KIF6: variants seen among roughly 807,000 people sequenced by gnomAD.
KIF6 encodes kinesin-like protein KIF6.
In KIF6, 106 loss-of-function variants were observed where a neutral mutation model predicts 112.7. The ratio of observed to expected loss-of-function variants is 0.94; its 90% CI spans 0.80 to 1.11. KIF6 has a LOEUF of 1.11. Among genes scored for constraint, KIF6 ranks in the 50% least tolerant of loss-of-function variants. The pLI is 0.00. For synonymous variants in KIF6, 339 were observed against 339.9 expected, an observed-to-expected ratio of 1.00 and a Z score of 0.03; for missense variants, 929 against 964.0, an observed-to-expected ratio of 0.96 and a Z score of 0.48.
chr6:39,700,245 C>T (rs759222734), intron 3 of KIF6, among the ~76,000 whole-genome samples: 15 of 152,166 alleles, frequency 9.9e-5, no homozygotes, highest in Non-Finnish European at 2.1e-4. Flanking sequence ...AGGTCTTATT[C>T]ATTCTTTCTA....
At chr6:39,635,385 A>G (rs766060442) in intron 4 of KIF6, among the ~76,000 whole-genome samples, 13 of 152,114 alleles carry the variant, frequency 8.5e-5, no homozygotes, top group African/African-American at 1.2e-4. Flanking sequence ...TTTAGGAGCA[A>G]AATAGTTTCC....
chr6:39,669,610 G>A (rs191832480), intron 3 of KIF6, among the ~76,000 whole-genome samples: 4 of 152,224 alleles, frequency 2.6e-5, no homozygotes, highest in African/African-American at 9.6e-5. Context: ...AAACTCTCAG[G>A]TTTTTTCTGT....
At chr6:39,395,641 C>T (rs1183650522) in intron 15 of KIF6, among the ~76,000 whole-genome samples, 2 of 152,126 alleles carry the variant, frequency 1.3e-5, no homozygotes, top group African/African-American at 2.4e-5. Flanking sequence ...TAGCCACTGC[C>T]TCTGATTTCC....
intron 19 of KIF6, among the ~76,000 whole-genome samples, chr6:39,350,593 G>A (rs1399060798): frequency 6.6e-6 from 1 of 152,134 alleles, no homozygotes; most frequent in Non-Finnish European, 1.5e-5. Context: ...TGTCTCCCTT[G>A]GGAACGTGGG....
At chr6:39,592,529 T>C (rs1257523346) in intron 7 of KIF6, among the ~76,000 whole-genome samples, 1 of 152,228 alleles carries the variant, frequency 6.6e-6, no homozygotes, top group Non-Finnish European at 1.5e-5. Context: ...CTGATTTCCA[T>C]AGCAGTACAG....
intron 3 of KIF6, among the ~76,000 whole-genome samples, chr6:39,677,531 AT>A (rs1787225461): frequency 1.4e-5 from 2 of 142,626 alleles, no homozygotes; most frequent in African/African-American, 5.0e-5. Flanking sequence ...TTATTTATTT[AT>A]TTATTTATTT....
intron 6 of KIF6, among the ~76,000 whole-genome samples, chr6:39,610,607 A>G (rs1783164933): frequency 6.6e-6 from 1 of 152,224 alleles, no homozygotes; most frequent in African/African-American, 2.4e-5. Flanking sequence ...TTTTTAGAAG[A>G]CTGTGAATAA....
chr6:39,543,694 C>T (rs1046785846), intron 12 of KIF6, among the ~76,000 whole-genome samples: 5 of 152,112 alleles, frequency 3.3e-5, no homozygotes, highest in Non-Finnish European at 5.9e-5. Context: ...ATTCTGCAAA[C>T]GTAATGAAAA....
chr6:39,662,325 C>G (rs995091096), intron 3 of KIF6, among the ~76,000 whole-genome samples: 2 of 152,088 alleles, frequency 1.3e-5, no homozygotes, highest in African/African-American at 4.8e-5. Flanking sequence ...GTCTGCCCCA[C>G]AAGGCATTTG....
intron 3 of KIF6, among the ~76,000 whole-genome samples, chr6:39,672,803 A>T (rs1437502528): frequency 6.6e-6 from 1 of 152,082 alleles, no homozygotes; most frequent in Non-Finnish European, 1.5e-5. Context: ...ACCTCATTTA[A>T]CCTTAATTAC....
chr6:39,599,373 T>C (rs1218044871), intron 6 of KIF6, among the ~76,000 whole-genome samples: 1 of 152,188 alleles, frequency 6.6e-6, no homozygotes, highest in Non-Finnish European at 1.5e-5. Flanking sequence ...AACCAGAAAT[T>C]CTTTCTGTAA....
intron 6 of KIF6, among the ~76,000 whole-genome samples, chr6:39,600,894 A>G (rs1023456341): frequency 6.6e-6 from 1 of 152,174 alleles, no homozygotes; most frequent in African/African-American, 2.4e-5. Context: ...GCAAATTTAC[A>G]TGAAGTAATT....
intron 4 of KIF6, 87 bp from the exon 5 acceptor site, chr6:39,635,045 C>T (rs1471327534): frequency 1.1e-5 from 8 of 722,496 alleles, no homozygotes; most frequent in East Asian, 5.2e-5. Flanking sequence ...ACTCAGTTTC[C>T]TCATAGTTTC....
At chr6:39,502,468 T>C (rs1776189186) in intron 13 of KIF6, among the ~76,000 whole-genome samples, 1 of 152,182 alleles carries the variant, frequency 6.6e-6, no homozygotes, top group South Asian at 2.1e-4. Flanking sequence ...AGCATCATGA[T>C]GACAGGATCA....
At chr6:39,392,349 C>T (rs1278716805) in intron 15 of KIF6, among the ~76,000 whole-genome samples, 2 of 152,130 alleles carry the variant, frequency 1.3e-5, no homozygotes, top group African/African-American at 4.8e-5. Context: ...GATGACCATC[C>T]CTAAACATGT....
intron 3 of KIF6, among the ~76,000 whole-genome samples, chr6:39,682,008 C>A (rs1453680436): frequency 1.3e-5 from 2 of 152,096 alleles, no homozygotes; most frequent in African/African-American, 4.8e-5. Flanking sequence ...TCAACTTACT[C>A]ATTCCACAGA....
In KIF6 at chr6:39,584,816, C is replaced by G; in HGVS notation, c.1077+82G>C. On this transcript the variant is annotated intron_variant, in intron 9 of 22. Coordinates refer to ENST00000287152, the MANE Select transcript of KIF6 (RefSeq NM_145027.6). ...TCCACTACTTAGAACATTCCCAGTA[C>G]AGAGCAAGTGCACCTACAAGTTTTA... 3.7e-6 allele frequency: 3 copies of G among 817,662 alleles called. No individual in the cohort carries two copies. In the South Asian group the frequency reaches 4.4e-5, roughly 12 times the overall value. 50.7% of individuals were successfully genotyped at this position (817,662 alleles called of 1,614,324 possible). A position where few individuals can be genotyped will look rare whatever the true frequency, so the allele number is the denominator to read the frequency against.
Position 39,719,234 on chromosome 6 carries a change from G to A in KIF6, c.176+1468C>T, listed in dbSNP as rs534126017. On this transcript the variant is annotated intron_variant, in intron 2 of 22. Transcript: ENST00000287152. ...CTTGGGAGGCTGAGGCAGGAGAATCGCTTGAACCCGGGAGGCGGAAGTTGT... is the reference window on the plus strand; with the variant it reads ...CTTGGGAGGCTGAGGCAGGAGAATCACTTGAACCCGGGAGGCGGAAGTTGT... Among the ~76,000 whole-genome samples the A allele has an allele frequency of 7.2e-5, 11 of 152,174 alleles. No homozygotes were observed. In the East Asian group the frequency reaches 1.2e-3, roughly 16 times the overall value.
chr6:39,712,381 T>C lies in KIF6; in HGVS notation c.251+2311A>G, dbSNP rs141474878. Among the ~76,000 whole-genome samples the C allele has an allele frequency of 9.4e-4, 143 of 152,172 alleles. 1 individual carries two copies. Among genetic ancestry groups the C allele is most frequent in the African/African-American group, 3.1e-3 (130 of 41,528 alleles). On this transcript the variant is annotated intron_variant, in intron 3 of 22. Transcript: ENST00000287152. Reference sequence around the variant, plus strand: ...AAAAAGGATAAAGAGGAATATTTCTTATTGATAAAAGATAAAACCCACCGG... The same window carrying C: ...AAAAAGGATAAAGAGGAATATTTCTCATTGATAAAAGATAAAACCCACCGG...
Sources: allele counts gnomAD v4.1 joint callset (sites outside exome capture counted in the v4.1 genomes callset), GRCh38; gene constraint gnomAD v4.1.1; transcripts MANE v1.5; gene names NCBI Gene and HGNC (gene_info 2026-07-23, HGNC 2026-07-21).